PCDHGA2: variants seen among roughly 807,000 people sequenced by gnomAD.
PCDHGA2 encodes the protein protocadherin gamma-A2.
In PCDHGA2, 40 loss-of-function variants were observed where a neutral mutation model predicts 59.2. The ratio of observed to expected loss-of-function variants is 0.68; its 90% confidence interval spans 0.52 to 0.88. The LOEUF (loss-of-function observed/expected upper bound fraction) is 0.88. PCDHGA2 is among the 40% of genes least tolerant of loss of function. The pLI, the probability that PCDHGA2 is intolerant of heterozygous loss-of-function variation, is 0.00. For missense variants in PCDHGA2, 1,226 were observed against 1,204.0 expected (o/e 1.02, Z -0.27); for synonymous variants, 560 against 526.0 (o/e 1.06, Z -0.89).
chr5:141,347,820 G>A lies in PCDHGA2; in HGVS notation c.2424+6425G>A, dbSNP rs1321611329. On this transcript the variant is annotated intron_variant, in intron 1 of 3. Transcript: ENST00000394576. ...AAAAAAAGTAGAGGCTGGTCAAATG[G>A]TTTTACCTATAGTGCCTGTTACATA... Among the ~76,000 whole-genome samples, 3 of 151,918 alleles carry A rather than the reference G, an allele frequency of 2.0e-5. No individual in the cohort carries two copies. In the East Asian group the frequency reaches 5.8e-4, roughly 29 times the overall value.
At chr5:141,422,122 A>C in intron 1 of PCDHGA2, 1 of 1,601,714 alleles carries the variant, frequency 6.2e-7, no homozygotes, top group Non-Finnish European at 8.5e-7. Context: ...GGATTCACAA[A>C]CTGGAGAAGT....
chr5:141,511,230 C>A lies in PCDHGA2; in HGVS notation c.*57C>A. On this transcript the variant is annotated 3_prime_UTR_variant, in exon 4 of 4. Transcript: ENST00000394576. ...CCTCTCCCCAACCAGCCCAGCTTCT[C>A]CTTACCTGCACCCAGGCCTCAGAGT... 6.3e-7 allele frequency: 1 copy of A among 1,597,914 alleles called. No homozygotes were observed. The highest frequency in any genetic ancestry group is 1.1e-5 in the South Asian group (1 of 89,144).
At chr5:141,492,121 C>G (rs1205499685) in intron 1 of PCDHGA2, among the ~76,000 whole-genome samples, 1 of 152,232 alleles carries the variant, frequency 6.6e-6, no homozygotes, top group Non-Finnish European at 1.5e-5. Context: ...CGATTTCTCC[C>G]CAGCTCCCAG....
In PCDHGA2 at chr5:141,340,694, G is replaced by A. The variant is rs760550572; in HGVS notation, c.1723G>A (p.Val575Met). The change falls in exon 1 of 4, where the codon GTG becomes ATG. Residue 575 changes from valine (V) to methionine (M), a missense_variant. Coordinates refer to ENST00000394576, the MANE Select transcript of PCDHGA2 (RefSeq NM_018915.4). Reference sequence around the variant, plus strand: ...CTTCCCCACAGACGGTTCCACTGGCGTGGAGCTGGCGCCCCGCTCCGCAGA... The same window carrying A: ...CTTCCCCACAGACGGTTCCACTGGCATGGAGCTGGCGCCCCGCTCCGCAGA... Reference protein sequence around the residue: ...PAFPTDGSTGVELAPRSAEPG... With the variant: ...PAFPTDGSTGMELAPRSAEPG... 3.1e-6 allele frequency: 5 copies of A among 1,614,176 alleles called. No individual in the cohort carries two copies. The highest frequency in any genetic ancestry group is 2.2e-5 in the South Asian group (2 of 91,086).
intron 1 of PCDHGA2, among the ~76,000 whole-genome samples, chr5:141,484,740 GA>G (rs1047805396): frequency 6.6e-6 from 1 of 150,760 alleles, no homozygotes; most frequent in Non-Finnish European, 1.5e-5. Context: ...GGTGTGTTAG[GA>G]AAAAAAATGT....
At chr5:141,382,392 C>T (rs1778169191) in intron 1 of PCDHGA2, among the ~76,000 whole-genome samples, 1 of 152,092 alleles carries the variant, frequency 6.6e-6, no homozygotes, top group Non-Finnish European at 1.5e-5. Context: ...AACTGATTTT[C>T]CCATGTGCAA....
chr5:141,375,938 G>A (rs1772064836), intron 1 of PCDHGA2: 1 of 1,613,558 alleles, frequency 6.2e-7, no homozygotes, highest in African/African-American at 1.3e-5. Flanking sequence ...ACTTTTCTCA[G>A]TGGGCCTGCA....
intron 1 of PCDHGA2, chr5:141,389,586 G>T: frequency 6.2e-7 from 1 of 1,613,166 alleles, no homozygotes; most frequent in Non-Finnish European, 8.5e-7. Context: ...GCTGGGTCCC[G>T]ACGGCTCTGC....
At chr5:141,379,301 T>C (rs1454001720) in intron 1 of PCDHGA2, 1 of 152,244 alleles carries the variant, frequency 6.6e-6, no homozygotes, top group East Asian at 1.9e-4. Context: ...CAAAGGTATA[T>C]ACCTAAACAA....
At chr5:141,351,537 C>T (rs772418537) in intron 1 of PCDHGA2, 9 of 1,614,020 alleles carry the variant, frequency 5.6e-6, no homozygotes, top group Middle Eastern at 1.6e-4. Flanking sequence ...AAGGGCAAAC[C>T]AGCCCTTTCC....
At chr5:141,366,325 C>G (rs1401034838) in intron 1 of PCDHGA2, 1 of 1,613,826 alleles carries the variant, frequency 6.2e-7, no homozygotes, top group East Asian at 2.2e-5. Flanking sequence ...TTGCCGTGGC[C>G]GACAGGATCC....
chr5:141,487,004 C>G lies in PCDHGA2; in HGVS notation c.2425-7803C>G. 1 of 1,614,224 alleles carries G rather than the reference C, an allele frequency of 6.2e-7. No homozygotes were observed. The highest frequency in any genetic ancestry group is 1.1e-5 in the South Asian group (1 of 91,086). On this transcript the variant is annotated intron_variant, in intron 1 of 3. Transcript: ENST00000394576. This position sits in a 1 kb window ranked among gnomAD's most constrained non-coding sequence, Gnocchi z 5.0. ...CAATGCTTGGGTTTCCTATCAGCTC[C>G]TGGAGGCCCCAGATCCCAGCCTGTT...
intron 1 of PCDHGA2, chr5:141,408,147 A>G (rs1357143790): frequency 6.7e-7 from 1 of 1,503,488 alleles, no homozygotes; most frequent in Non-Finnish European, 8.9e-7. Context: ...TTAGCGCGGT[A>G]GAGTGCACTT....
At chr5:141,439,126 G>A (rs2098089550) in intron 1 of PCDHGA2, among the ~76,000 whole-genome samples, 1 of 151,328 alleles carries the variant, frequency 6.6e-6, no homozygotes, top group African/African-American at 2.4e-5. Flanking sequence ...CCGGGAGACA[G>A]AGGTTGCAGT....
intron 1 of PCDHGA2, among the ~76,000 whole-genome samples, chr5:141,396,827 T>G (rs1339802094): frequency 6.6e-6 from 1 of 152,218 alleles, no homozygotes; most frequent in East Asian, 1.9e-4. Flanking sequence ...TGGTGCATAT[T>G]CAGTGGAGTG....
chr5:141,409,480 C>G, intron 1 of PCDHGA2: 1 of 1,614,002 alleles, frequency 6.2e-7, no homozygotes, highest in Non-Finnish European at 8.5e-7. Context: ...TAGCCACTGA[C>G]AGGGGCAAGC....
chr5:141,390,388 G>A, intron 1 of PCDHGA2: 1 of 1,423,474 alleles, frequency 7.0e-7, no homozygotes, highest in African/African-American at 1.4e-5. Flanking sequence ...TAGATGTCAT[G>A]GATCATTTTA....
intron 1 of PCDHGA2, chr5:141,398,053 A>C: frequency 2.0e-6 from 3 of 1,516,468 alleles, no homozygotes; most frequent in Non-Finnish European, 2.7e-6. Flanking sequence ...TCGGAGATCC[A>C]AAAATCTACA....
rs747671382 is a variant in PCDHGA2 at position 141,444,152 on chromosome 5, A to ATTTTTTT, written c.2425-50625_2425-50619dup. On this transcript the variant is annotated intron_variant, in intron 1 of 3. Coordinates refer to ENST00000394576, the MANE Select transcript of PCDHGA2 (RefSeq NM_018915.4). ...GATATGTGTCACTTGTGTGTACTGG[A>ATTTTTTT]TTTTTTTTTTTTTTTTTTTTTTTTT... Among the ~76,000 whole-genome samples, 8 of 33,896 alleles carry ATTTTTTT rather than the reference A, an allele frequency of 2.4e-4. 2 individuals are homozygous for ATTTTTTT. The highest frequency in any genetic ancestry group is 2.1e-3 in the South Asian group (2 of 962). 22.2% of individuals were successfully genotyped at this position (33,896 alleles called of 152,430 possible).
Sources: gnomAD v4.1 joint callset for allele counts (sites outside exome capture counted in the v4.1 genomes callset) on GRCh38, gnomAD v4.1.1 for gene constraint, Gnocchi (gnomAD v3.1) non-coding constraint, MANE v1.5 for transcripts, NCBI Gene and HGNC (gene_info 2026-07-23, HGNC 2026-07-21) for gene names.